MICU1: variants seen among roughly 807,000 people sequenced by gnomAD.
MICU1 encodes the protein mitochondrial calcium uptake 1.
Under a neutral mutation model 56.8 loss-of-function variants are expected in MICU1, and 45 were observed. The ratio of observed to expected loss-of-function variants is 0.79; its 90% confidence interval spans 0.62 to 1.02. The LOEUF is 1.02. Among genes scored for constraint, MICU1 ranks in the 50% least tolerant of loss-of-function variants. The probability of loss-of-function intolerance (pLI) is 0.00; values close to 1 mark genes in which losing one functional copy is unlikely to be tolerated. For missense variants in MICU1, 504 were observed against 587.1 expected (o/e 0.86, Z 1.46); for synonymous variants, 186 against 195.1 (o/e 0.95, Z 0.39).
chr10:72,369,415 GGAAGCAGGGGAGTAA>G (rs1233506263), intron 11 of MICU1, among the ~76,000 whole-genome samples: 1 of 152,038 alleles, frequency 6.6e-6, no homozygotes, highest in Admixed American at 6.6e-5. Context: ...GAAAAAAACT[GGAAGCAGGGGAGTAA>G]GAAGCAGGCA....
At chr10:72,569,223 ATATATATATATATAT>A (rs1840531277) in intron 1 of MICU1, among the ~76,000 whole-genome samples, 2 of 39,244 alleles carry the variant, frequency 5.1e-5, no homozygotes, top group African/African-American at 2.7e-4. Flanking sequence ...ATATATATAT[ATATATATATATATAT>A]TTTTTTTTTT....
At chr10:72,570,574 T>C (rs892844737) in intron 1 of MICU1, among the ~76,000 whole-genome samples, 1 of 152,202 alleles carries the variant, frequency 6.6e-6, no homozygotes, top group African/African-American at 2.4e-5. Flanking sequence ...CTGGTTACTA[T>C]TAACTCTTCC....
chr10:72,586,074 G>C (rs1841051681), intron 1 of MICU1, among the ~76,000 whole-genome samples: 1 of 124,580 alleles, frequency 8.0e-6, no homozygotes, highest in Non-Finnish European at 1.6e-5. Flanking sequence ...GAGTGCAATG[G>C]CATGGTCATA....
Position 72,374,022 on chromosome 10 carries a change from C to A in MICU1, c.1270+1761G>T, listed in dbSNP as rs569620461. Among the ~76,000 whole-genome samples, 32 of 152,382 alleles carry A rather than the reference C, an allele frequency of 2.1e-4. No homozygotes were observed. In the South Asian group the frequency reaches 4.8e-3, roughly 23 times the overall value. The stretch of plus-strand genomic sequence containing the variant: ...AGGGCAGCTCTAGAGAATAAACCCA[C>A]CCCTACCTGAGAGTGAGGCCATCTC... On this transcript the variant is annotated intron_variant, in intron 11 of 11. Coordinates refer to ENST00000361114, the MANE Select transcript of MICU1 (RefSeq NM_001195518.2).
chr10:72,551,778 T>G (rs542948821), intron 3 of MICU1, among the ~76,000 whole-genome samples: 2 of 152,284 alleles, frequency 1.3e-5, no homozygotes, highest in African/African-American at 4.8e-5. Flanking sequence ...CAGAAGAATT[T>G]TTTTAACATT....
rs201257033 is a variant in MICU1 at position 72,426,398 on chromosome 10, AT to A, written c.934-3028del. Among the ~76,000 whole-genome samples, 761 of 135,396 alleles carry A rather than the reference AT, an allele frequency of 5.6e-3. 1 individual carries two copies. The highest frequency in any genetic ancestry group is 0.019 in the East Asian group (89 of 4,660). 88.8% of individuals were successfully genotyped at this position (135,396 alleles called of 152,430 possible). A position where few individuals can be genotyped will look rare whatever the true frequency, so the allele number is the denominator to read the frequency against. ...GGAAATGCTTATTGGAGCATTCTGGATTTTTTTTTTTTTTTTTCAGACAGGG... is the reference window on the plus strand; with the variant it reads ...GGAAATGCTTATTGGAGCATTCTGGATTTTTTTTTTTTTTTTCAGACAGGG... On this transcript the variant is annotated intron_variant, in intron 8 of 11. Coordinates refer to ENST00000361114, the MANE Select transcript of MICU1 (RefSeq NM_001195518.2).
chr10:72,574,927 A>G (rs1025181122), intron 1 of MICU1, among the ~76,000 whole-genome samples: 5 of 152,236 alleles, frequency 3.3e-5, no homozygotes, highest in Admixed American at 6.5e-5. Context: ...AGTGCGCTCA[A>G]AAAAAGGACT....
chr10:72,386,818 G>A (rs1862908549), intron 10 of MICU1, among the ~76,000 whole-genome samples: 1 of 152,022 alleles, frequency 6.6e-6, no homozygotes, highest in Non-Finnish European at 1.5e-5. Context: ...GGATTACAAG[G>A]TTGTGCCACT....
intron 8 of MICU1, among the ~76,000 whole-genome samples, chr10:72,424,968 T>C: frequency 6.6e-6 from 1 of 152,342 alleles, no homozygotes; most frequent in East Asian, 1.9e-4. Flanking sequence ...TCACACCATC[T>C]TTCTATAGAG....
At chr10:72,554,729 C>T (rs1410518547) in intron 3 of MICU1, among the ~76,000 whole-genome samples, 1 of 151,996 alleles carries the variant, frequency 6.6e-6, no homozygotes, top group African/African-American at 2.4e-5. Context: ...CAAATACAGA[C>T]ATTGGCCAGG....
chr10:72,569,231 A>ATTTTTTT lies in MICU1; in HGVS notation c.-1-2438_-1-2437insAAAAAAA, dbSNP rs1156509426. Among the ~76,000 whole-genome samples the ATTTTTTT allele has an allele frequency of 2.9e-3, 114 of 39,518 alleles. 1 individual carries two copies. Among genetic ancestry groups the ATTTTTTT allele is most frequent in the Non-Finnish European group, 4.6e-3 (82 of 17,964 alleles). The allele number at this position is 39,518 out of a possible 152,430, so 25.9% of individuals were successfully genotyped here. A position where few individuals can be genotyped will look rare whatever the true frequency, so the allele number is the denominator to read the frequency against. ...CATATATATATATATATATATATAT[A>ATTTTTTT]TATATATTTTTTTTTTTTTTTGAGA... is the stretch of plus-strand genomic sequence containing the variant. On this transcript the variant is annotated intron_variant, in intron 1 of 11. Coordinates refer to ENST00000361114, the MANE Select transcript of MICU1 (RefSeq NM_001195518.2).
intron 1 of MICU1, among the ~76,000 whole-genome samples, chr10:72,600,368 G>A (rs899164225): frequency 4.6e-5 from 7 of 151,136 alleles, no homozygotes; most frequent in Non-Finnish European, 7.4e-5. Flanking sequence ...AAAATTTATG[G>A]CCAGGCACAG....
intron 6 of MICU1, among the ~76,000 whole-genome samples, chr10:72,497,441 C>A (rs1258004797): frequency 6.6e-6 from 1 of 152,118 alleles, no homozygotes; most frequent in African/African-American, 2.4e-5. Context: ...CACTATTAAG[C>A]CGAGGGTTTA....
rs986614563 is a variant in MICU1, at chr10:72,532,853, T to C, written c.537+893A>G. On this transcript the variant is annotated intron_variant, in intron 5 of 11. Transcript: ENST00000361114. ...GGCAGCTACTCATTCTTTTCACTTG[T>C]ATAAAAGAGCTCAACACTTATCTCT... The C allele has an allele frequency of 8.0e-6, 9 of 1,124,694 alleles. No individual in the cohort carries two copies. The South Asian group carries it at 1.5e-4, about 19-fold the overall frequency. The allele number at this position is 1,124,694 out of a possible 1,614,324, so 69.7% of individuals were successfully genotyped here.
intron 1 of MICU1, among the ~76,000 whole-genome samples, chr10:72,617,602 C>T (rs1338101811): frequency 3.3e-5 from 5 of 152,016 alleles, no homozygotes; most frequent in African/African-American, 4.8e-5. Context: ...GAGGCCGAGG[C>T]GGCAGGGTCA....
chr10:72,443,679 C>G (rs921609103), intron 8 of MICU1, among the ~76,000 whole-genome samples: 1 of 152,160 alleles, frequency 6.6e-6, no homozygotes, highest in African/African-American at 2.4e-5. Flanking sequence ...GAGATATCAT[C>G]TCACACCAGT....
chr10:72,413,513 A>G (rs1863891013), intron 9 of MICU1, among the ~76,000 whole-genome samples: 1 of 152,180 alleles, frequency 6.6e-6, no homozygotes, highest in Non-Finnish European at 1.5e-5. Context: ...CGGGTGGATC[A>G]CCTGAGGTTG....
chr10:72,431,102 A>ATCTG (rs1190981953), intron 8 of MICU1, among the ~76,000 whole-genome samples: 5 of 142,636 alleles, frequency 3.5e-5, no homozygotes, highest in Non-Finnish European at 7.5e-5. Flanking sequence ...CTGTCTATCT[A>ATCTG]TCTATCTATC....
chr10:72,441,167 T>C lies in MICU1; in HGVS notation c.934-17796A>G, dbSNP rs575128165. On this transcript the variant is annotated intron_variant, in intron 8 of 11. Coordinates refer to ENST00000361114, the MANE Select transcript of MICU1 (RefSeq NM_001195518.2). ...AACCAACCCAAATGTCCATCAATGATAGACTGGATTAAGAAAATGTGGCAC... is the reference window on the plus strand; with the variant it reads ...AACCAACCCAAATGTCCATCAATGACAGACTGGATTAAGAAAATGTGGCAC... 3.3e-5 allele frequency among the ~76,000 whole-genome samples: 5 copies of C among 152,200 alleles called. No homozygotes were observed. The East Asian group carries it at 7.7e-4, about 24-fold the overall frequency.
Sources: gnomAD v4.1 joint callset for allele counts (sites outside exome capture counted in the v4.1 genomes callset) on GRCh38, gnomAD v4.1.1 for gene constraint, MANE v1.5 for transcripts, NCBI Gene and HGNC (gene_info 2026-07-23, HGNC 2026-07-21) for gene names.